The following MCC variants were observed in gnomAD, a reference collection of about 807,000 sequenced individuals.
MCC encodes MCC regulator of Wnt signaling pathway.
Under a neutral mutation model 116.2 loss-of-function variants are expected in MCC, and 90 were observed. The ratio of observed to expected loss-of-function variants is 0.77; its 90% CI spans 0.65 to 0.92. The LOEUF (loss-of-function observed/expected upper bound fraction) is 0.92, where lower values mean the gene tolerates loss of function less well. MCC is among the 40% of genes least tolerant of loss of function. MCC has a pLI of 0.00. For missense variants in MCC, 1,516 were observed against 1,312.2 expected (o/e 1.16, Z -2.40); for synonymous variants, 578 against 510.5 (o/e 1.13, Z -1.78).
chr5:113,330,534 A>G (rs948241716), intron 3 of MCC, among the ~76,000 whole-genome samples: 1 of 152,236 alleles, frequency 6.6e-6, no homozygotes, highest in Admixed American at 6.5e-5. Flanking sequence ...TGCTGAGATA[A>G]GTCATTGGAA....
chr5:113,445,840 C>T (rs145383168), intron 1 of MCC, among the ~76,000 whole-genome samples: 2,170 of 152,228 alleles, frequency 0.014, 22 homozygotes, highest in Middle Eastern at 0.027. Context: ...CATTACCTGA[C>T]TTCAAACTAT....
At chr5:113,103,434 G>C (rs1182099562) in intron 7 of MCC, among the ~76,000 whole-genome samples, 1 of 152,218 alleles carries the variant, frequency 6.6e-6, no homozygotes, top group Non-Finnish European at 1.5e-5. Flanking sequence ...AGATTCCAGA[G>C]AAAGAAACAC....
chr5:113,245,853 A>C (rs1764553799), intron 3 of MCC, among the ~76,000 whole-genome samples: 1 of 152,222 alleles, frequency 6.6e-6, no homozygotes, highest in Non-Finnish European at 1.5e-5. Flanking sequence ...TTGAAAGGAA[A>C]AAAGTCACCA....
intron 1 of MCC, among the ~76,000 whole-genome samples, chr5:113,386,543 A>T (rs1769258840): frequency 6.6e-6 from 1 of 152,012 alleles, no homozygotes; most frequent in Non-Finnish European, 1.5e-5. Flanking sequence ...TTCTCCCCGA[A>T]ATGCTTTTAT....
chr5:113,486,319 T>C (rs1554087482), intron 1 of MCC, among the ~76,000 whole-genome samples: 2 of 152,190 alleles, frequency 1.3e-5, no homozygotes, highest in South Asian at 4.1e-4. Context: ...TTTCCACTTT[T>C]GCCCCAGCCA....
intron 3 of MCC, among the ~76,000 whole-genome samples, chr5:113,328,675 G>A (rs896402990): frequency 6.6e-6 from 1 of 152,116 alleles, no homozygotes; most frequent in Admixed American, 6.5e-5. Context: ...CTGCACAATC[G>A]TGTCAGGAGG....
In MCC at chr5:113,485,472, G is replaced by A. The variant is rs578072590; in HGVS notation, c.170+2773C>T. Among the ~76,000 whole-genome samples the A allele has an allele frequency of 2.0e-5, 3 of 152,302 alleles. No homozygotes were observed. In the South Asian group the frequency reaches 6.2e-4, roughly 32 times the overall value. On this transcript the variant is annotated intron_variant, in intron 1 of 18. Transcript: ENST00000408903. The stretch of plus-strand genomic sequence containing the variant: ...ACTGAAGTAGGCATGGTTAAGTGAT[G>A]TAGTTTGACCAATAAGATGTCAATT...
At chr5:113,268,690 C>T (rs189967306) in intron 3 of MCC, among the ~76,000 whole-genome samples, 4 of 152,212 alleles carry the variant, frequency 2.6e-5, no homozygotes, top group South Asian at 2.1e-4. Flanking sequence ...AATTTAACAC[C>T]GCAGAAGCTG....
intron 1 of MCC, among the ~76,000 whole-genome samples, chr5:113,462,492 T>C (rs1005616782): frequency 2.9e-5 from 4 of 140,330 alleles, no homozygotes; most frequent in African/African-American, 1.2e-4. Flanking sequence ...CAGTATTGTA[T>C]AGCTATCAGC....
intron 3 of MCC, among the ~76,000 whole-genome samples, chr5:113,210,379 C>T (rs1026266049): frequency 5.3e-5 from 8 of 149,674 alleles, no homozygotes; most frequent in Non-Finnish European, 1.2e-4. Context: ...GCATATGAAG[C>T]CCATATCTTA....
chr5:113,177,152 C>T (rs1374545825), intron 3 of MCC, among the ~76,000 whole-genome samples: 1 of 152,064 alleles, frequency 6.6e-6, no homozygotes, highest in African/African-American at 2.4e-5. Context: ...TCCTAGTGGA[C>T]CCCTCTCCTA....
At position 113,064,000 on chromosome 5, in the gene MCC, A is replaced by T. The variant is rs780995894; in HGVS notation, c.2197T>A (p.Ser733Thr). Reference protein sequence around the residue: ...CSVQPWESLSSNSHTSTTSST... With the variant: ...CSVQPWESLSTNSHTSTTSST... ...GAGCATTACCTGGTGTGGCTGTTGG[A>T]GGAAAGGCTCTCCCAGGGCTGCACG... The change falls in exon 14 of 19, where the codon TCC (serine) becomes ACC (threonine). Residue 733 changes from serine to threonine, a missense_variant. By Grantham distance (58) the Ser-to-Thr change is moderately conservative. Transcript: ENST00000408903. The T allele has an allele frequency of 1.2e-6, 2 of 1,612,588 alleles. No individual in the cohort carries two copies. Among genetic ancestry groups the T allele is most frequent in the Non-Finnish European group, 1.7e-6 (2 of 1,179,582 alleles).
At chr5:113,296,309 G>A (rs1019102266) in intron 3 of MCC, among the ~76,000 whole-genome samples, 4 of 152,180 alleles carry the variant, frequency 2.6e-5, no homozygotes, top group Non-Finnish European at 4.4e-5. Context: ...GGTGTTTATA[G>A]ACTTGTAAAA....
chr5:113,368,900 A>T (rs1768768227), intron 2 of MCC, among the ~76,000 whole-genome samples: 1 of 152,204 alleles, frequency 6.6e-6, no homozygotes, highest in Non-Finnish European at 1.5e-5. Flanking sequence ...CTTCTAATCA[A>T]CTGGGTATAA....
At chr5:113,422,785 T>C (rs999038904) in intron 1 of MCC, among the ~76,000 whole-genome samples, 1 of 152,102 alleles carries the variant, frequency 6.6e-6, no homozygotes, top group African/African-American at 2.4e-5. Context: ...AATTAGTGGA[T>C]CCTCTAAAAA....
chr5:113,066,147 A>G (rs1016944049), intron 13 of MCC, among the ~76,000 whole-genome samples: 1 of 152,204 alleles, frequency 6.6e-6, no homozygotes, highest in Non-Finnish European at 1.5e-5. Flanking sequence ...GATTTTGAAT[A>G]TTTAAAAGGC....
rs141585302 is a variant in MCC, at chr5:113,439,388, T to C, written c.170+48857A>G. 1.6e-3 allele frequency among the ~76,000 whole-genome samples: 247 copies of C among 152,212 alleles called. 6 individuals are homozygous for C. The East Asian group carries it at 0.02, about 12-fold the overall frequency. On this transcript the variant is annotated intron_variant, in intron 1 of 18. Coordinates refer to ENST00000408903, the MANE Select transcript of MCC (RefSeq NM_001085377.2). ...GCCTTGAAGCAAAGGTAGATGTACA[T>C]AGGTGATACAGGAAAGGGAAATGGC...
At chr5:113,083,112 TGGGA>T in intron 10 of MCC, 104 bp from the exon 11 acceptor site, 3 of 1,095,096 alleles carry the variant, frequency 2.7e-6, no homozygotes, top group Non-Finnish European at 3.9e-6. Flanking sequence ...AATCGGGGAC[TGGGA>T]GGATGGTTAC....
At chr5:113,237,885 A>G (rs1235203742) in intron 3 of MCC, among the ~76,000 whole-genome samples, 7 of 152,230 alleles carry the variant, frequency 4.6e-5, no homozygotes, top group Admixed American at 1.3e-4. Context: ...CTGAAGTATC[A>G]GAGTTGTATT....
Sources: allele counts gnomAD v4.1 joint callset (sites outside exome capture counted in the v4.1 genomes callset), GRCh38; gene constraint gnomAD v4.1.1; transcripts MANE v1.5; gene names NCBI Gene and HGNC (gene_info 2026-07-23, HGNC 2026-07-21).